Variants in CEP112 observed in about 807,000 individuals in gnomAD.
CEP112 encodes centrosomal protein of 112 kDa.
Under a neutral mutation model 153.0 loss-of-function variants are expected in CEP112, and 127 were observed. The observed-to-expected ratio is 0.83, with a 90% CI of 0.72 to 0.96. The LOEUF is 0.96. CEP112 is among the 40% of genes least tolerant of loss of function. The pLI, the probability that CEP112 is intolerant of heterozygous loss-of-function variation, is 0.00. For missense variants in CEP112, 1,089 were observed against 1,101.2 expected (o/e 0.99, Z 0.16); for synonymous variants, 358 against 374.4 (o/e 0.96, Z 0.51).
chr17:65,958,844 C>T (rs1358013131), intron 18 of CEP112, among the ~76,000 whole-genome samples: 4 of 152,092 alleles, frequency 2.6e-5, no homozygotes, highest in Non-Finnish European at 5.9e-5. Flanking sequence ...AGTGGGAACT[C>T]GTGGTGCCTT....
intron 21 of CEP112, among the ~76,000 whole-genome samples, chr17:65,829,471 A>G: frequency 6.6e-6 from 1 of 152,116 alleles, no homozygotes; most frequent in East Asian, 1.9e-4. Context: ...TCCTCCCCTC[A>G]AAGAAGGTCT....
At chr17:65,692,811 C>T (rs950182010) in intron 23 of CEP112, among the ~76,000 whole-genome samples, 4 of 152,106 alleles carry the variant, frequency 2.6e-5, no homozygotes, top group Non-Finnish European at 5.9e-5. Flanking sequence ...AAGCCCAGTG[C>T]CAAGCCAGCT....
At chr17:65,878,701 AC>A (rs540143013) in intron 20 of CEP112, among the ~76,000 whole-genome samples, 12 of 152,170 alleles carry the variant, frequency 7.9e-5, no homozygotes, top group Non-Finnish European at 1.3e-4. Context: ...GGGCTCTGGT[AC>A]TATAAAGATG....
Position 65,640,990 on chromosome 17 carries a change from C to A in CEP112, c.2773G>T (p.Asp925Tyr), listed in dbSNP as rs768206153. The A allele has an allele frequency of 3.7e-6, 6 of 1,607,632 alleles. No homozygotes were observed. In the South Asian group the frequency reaches 6.6e-5, roughly 18 times the overall value. Residue 925 changes from aspartate to tyrosine, a missense_variant, in exon 25 of 27, where the codon GAC becomes TAC. Coordinates refer to ENST00000535342, the MANE Select transcript of CEP112 (RefSeq NM_001199165.4). ...TGTGATTTTAGGGAGGAAATGGTGT[C>A]TTCAAGTTCTTGTCTTAGGGATGCT... The part of the protein sequence containing the change: ...MPASLRQELE[D>Y]TISSLKSQVN...
intron 11 of CEP112, among the ~76,000 whole-genome samples, chr17:66,056,204 C>T (rs1469965142): frequency 6.6e-6 from 1 of 152,170 alleles, no homozygotes; most frequent in Non-Finnish European, 1.5e-5. Flanking sequence ...CCTACATATT[C>T]GTCTTTAACC....
chr17:66,069,869 T>C (rs1568456975), intron 9 of CEP112, 46 bp downstream of exon 9: 2 of 1,070,522 alleles, frequency 1.9e-6, no homozygotes. Context: ...AAACCTAGAA[T>C]ATTTTTAGTG....
intron 19 of CEP112, among the ~76,000 whole-genome samples, chr17:65,907,687 G>C (rs1191800135): frequency 6.6e-6 from 1 of 152,088 alleles, no homozygotes; most frequent in Non-Finnish European, 1.5e-5. Flanking sequence ...AATGTTGGGG[G>C]AATATCTTGA....
At chr17:66,162,700 G>A (rs184068528) in intron 4 of CEP112, among the ~76,000 whole-genome samples, 1 of 152,074 alleles carries the variant, frequency 6.6e-6, no homozygotes, top group African/African-American at 2.4e-5. Flanking sequence ...CAATGAAAAC[G>A]AATCTATGGT....
At chr17:66,022,713 A>G (rs1408107573) in intron 16 of CEP112, among the ~76,000 whole-genome samples, 3 of 151,060 alleles carry the variant, frequency 2.0e-5, no homozygotes, top group South Asian at 2.1e-4. Context: ...CGCCTCAAGA[A>G]AAAAAAAAAA....
intron 12 of CEP112, among the ~76,000 whole-genome samples, chr17:66,039,142 T>C (rs931942764): frequency 6.6e-6 from 1 of 152,172 alleles, no homozygotes; most frequent in African/African-American, 2.4e-5. Flanking sequence ...AGAGGAAATT[T>C]GGGAAAGGGT....
At chr17:65,899,900 AAC>A (rs2143483102) in intron 20 of CEP112, among the ~76,000 whole-genome samples, 2 of 152,328 alleles carry the variant, frequency 1.3e-5, no homozygotes, top group East Asian at 3.9e-4. Context: ...ATCAAACTAC[AAC>A]ACAGTGATTT....
chr17:65,853,335 G>C (rs980689215), intron 20 of CEP112, among the ~76,000 whole-genome samples: 1 of 152,064 alleles, frequency 6.6e-6, no homozygotes, highest in East Asian at 1.9e-4. Flanking sequence ...CTGGGTGTCT[G>C]TGTCTCTGTG....
intron 21 of CEP112, among the ~76,000 whole-genome samples, chr17:65,788,224 A>G (rs2054385826): frequency 6.6e-6 from 1 of 152,182 alleles, no homozygotes; most frequent in Non-Finnish European, 1.5e-5. Context: ...GATTTCTAAC[A>G]TGAAATCACC....
intron 15 of CEP112, among the ~76,000 whole-genome samples, chr17:66,028,103 A>G (rs1449791069): frequency 1.4e-5 from 2 of 141,192 alleles, no homozygotes; most frequent in Non-Finnish European, 3.1e-5. Context: ...GATCATTCCA[A>G]TTCAAATTAT....
At chr17:65,678,694 G>A (rs890411096) in intron 24 of CEP112, among the ~76,000 whole-genome samples, 2 of 152,098 alleles carry the variant, frequency 1.3e-5, no homozygotes, top group African/African-American at 2.4e-5. Context: ...TTGCAGGGAC[G>A]AAGAGCCACT....
chr17:66,082,187 C>T (rs926409530), intron 8 of CEP112, among the ~76,000 whole-genome samples: 11 of 152,096 alleles, frequency 7.2e-5, no homozygotes, highest in Non-Finnish European at 1.5e-4. Flanking sequence ...AGTGAGAAAA[C>T]TTTTCCAAAT....
chr17:65,902,246 T>G lies in CEP112; in HGVS notation c.2069A>C (p.His690Pro). Residue 690 changes from histidine to proline, a missense_variant, in exon 20 of 27, where the codon CAT (histidine) becomes CCT (proline). Physicochemically the swap from His to Pro is moderately conservative, Grantham distance 77. Transcript: ENST00000535342. Reference sequence around the variant, plus strand: ...TTCCAGGTTTTCAATTTCCCGTTCATGGTCTCGGACTAGGCTATCCTTCTC... The same window carrying G: ...TTCCAGGTTTTCAATTTCCCGTTCAGGGTCTCGGACTAGGCTATCCTTCTC... ...NAEKDSLVRD[H>P]EREIENLEKQ... 1 of 1,614,042 alleles carries G rather than the reference T, an allele frequency of 6.2e-7. No homozygotes were observed.
intron 17 of CEP112, among the ~76,000 whole-genome samples, chr17:65,973,045 C>A (rs1461990372): frequency 6.6e-6 from 1 of 152,186 alleles, no homozygotes; most frequent in Non-Finnish European, 1.5e-5. Flanking sequence ...GAATTACAGG[C>A]GTAAGCCACT....
intron 18 of CEP112, among the ~76,000 whole-genome samples, chr17:65,955,921 A>C (rs1180500421): frequency 6.6e-6 from 1 of 152,190 alleles, no homozygotes; most frequent in Non-Finnish European, 1.5e-5. Flanking sequence ...TTAATACTCC[A>C]CTGACAGCAC....
Sources: gnomAD v4.1 joint callset for allele counts (sites outside exome capture counted in the v4.1 genomes callset) on GRCh38, gnomAD v4.1.1 for gene constraint, MANE v1.5 for transcripts, NCBI Gene and HGNC (gene_info 2026-07-23, HGNC 2026-07-21) for gene names.